MAP2K5: variants seen among roughly 807,000 people sequenced by gnomAD.
MAP2K5 encodes dual specificity mitogen-activated protein kinase kinase 5.
Under a neutral mutation model 83.1 loss-of-function variants are expected in MAP2K5, and 49 were observed. The observed-to-expected ratio is 0.59, with a 90% confidence interval of 0.47 to 0.75. The LOEUF is 0.75. Among genes scored for constraint, MAP2K5 ranks in the 30% least tolerant of loss-of-function variants. The pLI is 0.00. For missense variants in MAP2K5, 457 were observed against 557.5 expected (o/e 0.82, Z 1.82); for synonymous variants, 202 against 191.8 (o/e 1.05, Z -0.44).
intron 19 of MAP2K5, among the ~76,000 whole-genome samples, chr15:67,756,515 C>CTGTGTGTG (rs200627656): frequency 0.042 from 5,466 of 131,408 alleles, 150 homozygotes; most frequent in Non-Finnish European, 0.052. Context: ...CACACAGTTA[C>CTGTGTGTG]TGTGTGTGTG....
At chr15:67,776,681 A>G (rs988292456) in intron 21 of MAP2K5, among the ~76,000 whole-genome samples, 10 of 152,228 alleles carry the variant, frequency 6.6e-5, no homozygotes. Context: ...CTGTGTTTAA[A>G]TATTTTTAAA....
At chr15:67,743,370 A>G in intron 17 of MAP2K5, among the ~76,000 whole-genome samples, 1 of 152,244 alleles carries the variant, frequency 6.6e-6, no homozygotes. Context: ...TTGAGCAAGG[A>G]CAGAGGCTGA....
At chr15:67,735,972 T>C (rs2089331346) in intron 17 of MAP2K5, among the ~76,000 whole-genome samples, 1 of 152,188 alleles carries the variant, frequency 6.6e-6, no homozygotes, top group Admixed American at 6.5e-5. Context: ...AGGAGGTTCA[T>C]CTGGTAAAAG....
Position 67,781,962 on chromosome 15 carries a change from G to A in MAP2K5, c.1242+9210G>A, listed in dbSNP as rs1396073737. Among the ~76,000 whole-genome samples, 2 of 152,214 alleles carry A rather than the reference G, an allele frequency of 1.3e-5. No homozygotes were observed. The highest frequency in any genetic ancestry group is 2.9e-5 in the Non-Finnish European group (2 of 68,038). ...AAACATTTTTAATTGGATTTTCATG[G>A]TGATTGACAGCATTTGATTATGACA... is the stretch of plus-strand genomic sequence containing the variant. On this transcript the variant is annotated intron_variant, in intron 21 of 21. Transcript: ENST00000178640. This position sits in a 1 kb window ranked among gnomAD's most constrained non-coding sequence, Gnocchi z 4.0.
intron 8 of MAP2K5, among the ~76,000 whole-genome samples, chr15:67,606,662 T>C (rs2085784481): frequency 6.6e-6 from 1 of 152,188 alleles, no homozygotes; most frequent in South Asian, 2.1e-4. Context: ...TTTGCACTTG[T>C]GATTTGACTG....
chr15:67,646,805 CA>C (rs2086842290), intron 11 of MAP2K5, among the ~76,000 whole-genome samples: 1 of 152,216 alleles, frequency 6.6e-6, no homozygotes, highest in East Asian at 1.9e-4. Context: ...TTTCAATAGC[CA>C]AAACAGATTT....
intron 8 of MAP2K5, among the ~76,000 whole-genome samples, chr15:67,612,073 CTTTT>C (rs57650533): frequency 8.5e-6 from 1 of 117,216 alleles, no homozygotes; most frequent in Non-Finnish European, 1.9e-5. Context: ...CTTTGGTTTT[CTTTT>C]TTTTTTTTTT....
Position 67,631,056 on chromosome 15 carries a change from C to A in MAP2K5, c.585+129C>A, listed in dbSNP as rs1035925594. 3 of 664,918 alleles carry A rather than the reference C, an allele frequency of 4.5e-6. No homozygotes were observed. In the African/African-American group the frequency reaches 5.5e-5, roughly 12 times the overall value. The allele number at this position is 664,918 out of a possible 1,614,324, so 41.2% of individuals were successfully genotyped here. A position where few individuals can be genotyped will look rare whatever the true frequency, so the allele number is the denominator to read the frequency against. ...AGGTTTAGATGGTAGGTAGGGGAAG[C>A]TGTGGCTCTCTGGTGACATTCAGAC... On this transcript the variant is annotated intron_variant, in intron 9 of 21. Transcript: ENST00000178640.
At chr15:67,752,293 C>G (rs765564830) in intron 19 of MAP2K5, among the ~76,000 whole-genome samples, 4 of 151,940 alleles carry the variant, frequency 2.6e-5, no homozygotes, top group Non-Finnish European at 4.4e-5. Flanking sequence ...TCTCGAACTC[C>G]TGACCTCAAG....
At chr15:67,603,364 T>C (rs556282978) in intron 8 of MAP2K5, among the ~76,000 whole-genome samples, 6 of 152,368 alleles carry the variant, frequency 3.9e-5, no homozygotes, top group Admixed American at 1.3e-4. Flanking sequence ...GCTAGAATGC[T>C]GTGTGTAACG....
chr15:67,648,471 C>T (rs954196751), intron 11 of MAP2K5, among the ~76,000 whole-genome samples: 1 of 151,982 alleles, frequency 6.6e-6, no homozygotes, highest in African/African-American at 2.4e-5. Context: ...TTTATTCTTT[C>T]ATTAGTTGAT....
At chr15:67,681,903 G>A (rs922322680) in intron 13 of MAP2K5, among the ~76,000 whole-genome samples, 1 of 152,028 alleles carries the variant, frequency 6.6e-6, no homozygotes. Flanking sequence ...AATAATTAAT[G>A]CCCTGATTAA....
At chr15:67,669,391 G>A (rs1008102043) in intron 13 of MAP2K5, among the ~76,000 whole-genome samples, 3 of 152,026 alleles carry the variant, frequency 2.0e-5, no homozygotes, top group African/African-American at 7.2e-5. Context: ...AAACCTCATA[G>A]GGAAGATGAG....
Position 67,550,089 on chromosome 15 carries a change from C to T in MAP2K5, c.184+7C>T, listed in dbSNP as rs146184165. The T allele has an allele frequency of 5.1e-4, 817 of 1,612,488 alleles. 1 individual carries two copies. The African/African-American group carries it at 9.9e-3, about 20-fold the overall frequency. ...ACAACTACAGCATTTGAATGTAAGT[C>T]TGGCTTGTATACTTTCTTGACTATT... On this transcript the variant is annotated splice_region_variant and intron_variant, in intron 2 of 21. Transcript: ENST00000178640.
chr15:67,696,250 T>C (rs1234070592), intron 15 of MAP2K5, among the ~76,000 whole-genome samples: 2 of 152,174 alleles, frequency 1.3e-5, no homozygotes, highest in Non-Finnish European at 2.9e-5. Flanking sequence ...CCAAATTCAA[T>C]TTACTGGAAC....
chr15:67,694,775 T>C lies in MAP2K5; in HGVS notation c.972+1207T>C, dbSNP rs547757896. On this transcript the variant is annotated intron_variant, in intron 15 of 21. Coordinates refer to ENST00000178640, the MANE Select transcript of MAP2K5 (RefSeq NM_145160.3). Reference sequence around the variant, plus strand: ...CATTACCAGGTATATACCCAAAGGATTATAAATCATGCTGCTATAAAGACA... The same window carrying C: ...CATTACCAGGTATATACCCAAAGGACTATAAATCATGCTGCTATAAAGACA... Among the ~76,000 whole-genome samples, 27 of 152,106 alleles carry C rather than the reference T, an allele frequency of 1.8e-4. No individual in the cohort carries two copies. The South Asian group carries it at 5.0e-3, about 28-fold the overall frequency.
At chr15:67,547,813 G>A (rs2084427524) in intron 1 of MAP2K5, among the ~76,000 whole-genome samples, 1 of 152,124 alleles carries the variant, frequency 6.6e-6, no homozygotes, top group African/African-American at 2.4e-5. Context: ...ATTGTCAAGA[G>A]CAGAAGAAGG....
At chr15:67,727,072 G>A (rs1437287855) in intron 16 of MAP2K5, among the ~76,000 whole-genome samples, 3 of 152,040 alleles carry the variant, frequency 2.0e-5, no homozygotes, top group Non-Finnish European at 4.4e-5. Flanking sequence ...GATGGTGTGC[G>A]CCTGTAATCC....
rs551853811 is a variant in MAP2K5 at position 67,618,222 on chromosome 15, G to T, written c.546-12666G>T. On this transcript the variant is annotated intron_variant, in intron 8 of 21. Coordinates refer to ENST00000178640, the MANE Select transcript of MAP2K5 (RefSeq NM_145160.3). The stretch of plus-strand genomic sequence containing the variant: ...CAGTCACATGTTTTCTGAACACTTT[G>T]TGCAAAGTACTTCGCTTGGCAGTGG... Among the ~76,000 whole-genome samples, 351 of 152,272 alleles carry T rather than the reference G, an allele frequency of 2.3e-3. 2 individuals carry two copies. The highest frequency in any genetic ancestry group is 6.8e-3 in the Middle Eastern group (2 of 294).
Sources: allele counts gnomAD v4.1 joint callset (sites outside exome capture counted in the v4.1 genomes callset), GRCh38; gene constraint gnomAD v4.1.1; non-coding constraint Gnocchi (gnomAD v3.1); transcripts MANE v1.5; gene names NCBI Gene and HGNC (gene_info 2026-07-23, HGNC 2026-07-21).